Variants in FILIP1 observed in about 807,000 individuals in gnomAD.
FILIP1 encodes filamin A interacting protein 1.
FILIP1 carries 61 observed loss-of-function variants against 102.1 expected under a neutral mutation model. The ratio of observed to expected loss-of-function variants is 0.60; its 90% CI spans 0.49 to 0.74. The LOEUF (loss-of-function observed/expected upper bound fraction) is 0.74. Ranked by LOEUF, FILIP1 falls within the 30% of genes least tolerant of loss-of-function variation. FILIP1 has a pLI of 0.00. For synonymous variants in FILIP1, 491 were observed against 526.9 expected (o/e 0.93, Z 0.93); for missense variants, 1,314 against 1,441.2 (o/e 0.91, Z 1.43).
intron 3 of FILIP1, chr6:75,358,156 G>C (rs909422868): frequency 6.6e-6 from 1 of 152,210 alleles, no homozygotes; most frequent in African/African-American, 2.4e-5. Context: ...ACAATAACTT[G>C]AGGAGAAATT....
chr6:75,446,018 A>G (rs1778434487), intron 1 of FILIP1, among the ~76,000 whole-genome samples: 2 of 152,168 alleles, frequency 1.3e-5, no homozygotes, highest in Non-Finnish European at 2.9e-5. Flanking sequence ...GACTACTTTG[A>G]GAACTAATGT....
At chr6:75,461,958 GC>G (rs1779035953) in intron 1 of FILIP1, among the ~76,000 whole-genome samples, 2 of 152,106 alleles carry the variant, frequency 1.3e-5, no homozygotes, top group Admixed American at 6.5e-5. Flanking sequence ...GAAAAGTGAG[GC>G]ATGAAAAGCA....
At chr6:75,435,450 A>T (rs1777987211) in intron 1 of FILIP1, among the ~76,000 whole-genome samples, 4 of 152,254 alleles carry the variant, frequency 2.6e-5, no homozygotes, top group Admixed American at 2.6e-4. Context: ...CAATTAAATC[A>T]TGTTTGATTC....
At chr6:75,319,775 A>T in intron 4 of FILIP1, 1 of 324,488 alleles carries the variant, frequency 3.1e-6, no homozygotes, top group East Asian at 7.5e-5. Flanking sequence ...GCTTGCAGTG[A>T]GCTGAGATTG....
intron 1 of FILIP1, among the ~76,000 whole-genome samples, chr6:75,417,444 C>G (rs897256677): frequency 2.0e-5 from 3 of 152,164 alleles, no homozygotes; most frequent in Non-Finnish European, 2.9e-5. Flanking sequence ...AACATAATTT[C>G]TCAAAAGAAT....
chr6:75,344,081 A>C (rs966975069), intron 4 of FILIP1, among the ~76,000 whole-genome samples: 1 of 152,198 alleles, frequency 6.6e-6, no homozygotes. Context: ...ATCCCTTCAG[A>C]AGTAGGCATC....
intron 1 of FILIP1, among the ~76,000 whole-genome samples, chr6:75,487,207 T>C (rs1582577906): frequency 6.6e-6 from 1 of 152,208 alleles, no homozygotes; most frequent in Non-Finnish European, 1.5e-5. Context: ...ACCTCCAGTG[T>C]CACATTTCAA....
At chr6:75,450,239 A>G (rs1778581916) in intron 1 of FILIP1, among the ~76,000 whole-genome samples, 1 of 152,098 alleles carries the variant, frequency 6.6e-6, no homozygotes, top group South Asian at 2.1e-4. Flanking sequence ...TGGCCTCTCA[A>G]AGTGCTGGGA....
intron 1 of FILIP1, among the ~76,000 whole-genome samples, chr6:75,436,705 T>C (rs1778035173): frequency 6.6e-6 from 1 of 152,182 alleles, no homozygotes; most frequent in Admixed American, 6.5e-5. Context: ...GGGTTGCCAA[T>C]TTGTGCTGAC....
At chr6:75,486,181 C>T (rs116073394) in intron 1 of FILIP1, among the ~76,000 whole-genome samples, 1,707 of 152,262 alleles carry the variant, frequency 0.011, 33 homozygotes, top group African/African-American at 0.039. Flanking sequence ...TCTGAGTTGT[C>T]AATAGGAGCA....
chr6:75,486,379 C>T (rs1295805984), intron 1 of FILIP1, among the ~76,000 whole-genome samples: 2 of 152,174 alleles, frequency 1.3e-5, no homozygotes, highest in Non-Finnish European at 2.9e-5. Flanking sequence ...CCCAACTCTA[C>T]TGGCCATTGA....
At chr6:75,423,254 G>T (rs1385749012) in intron 1 of FILIP1, among the ~76,000 whole-genome samples, 1 of 152,144 alleles carries the variant, frequency 6.6e-6, no homozygotes, top group Non-Finnish European at 1.5e-5. Context: ...CTCCTGAGCT[G>T]AGCAAAAATT....
At chr6:75,486,063 G>T (rs1779780583) in intron 1 of FILIP1, among the ~76,000 whole-genome samples, 1 of 151,498 alleles carries the variant, frequency 6.6e-6, no homozygotes, top group South Asian at 2.1e-4. Context: ...CCAACAACGG[G>T]GATAAGTATT....
At chr6:75,355,681 G>T (rs1774970196) in intron 3 of FILIP1, among the ~76,000 whole-genome samples, 1 of 152,148 alleles carries the variant, frequency 6.6e-6, no homozygotes, top group Admixed American at 6.5e-5. Flanking sequence ...GGGATTACAG[G>T]CATGAGCCAC....
chr6:75,338,752 T>C (rs959148240), intron 4 of FILIP1, among the ~76,000 whole-genome samples: 3 of 152,236 alleles, frequency 2.0e-5, no homozygotes, highest in Non-Finnish European at 4.4e-5. Context: ...AGAAGAATAA[T>C]CTCACTTATC....
Position 75,313,250 on chromosome 6 carries a change from T to G in FILIP1, c.2582A>C (p.Asn861Thr). The G allele has an allele frequency of 6.2e-7, 1 of 1,614,184 alleles. No individual in the cohort carries two copies. The highest frequency in any genetic ancestry group is 8.5e-7 in the Non-Finnish European group (1 of 1,180,024). The change falls in exon 5 of 6, where the codon AAT becomes ACT. Residue 861 changes from asparagine (N) to threonine (T), a missense_variant. Physicochemically the swap from Asn to Thr is moderately conservative, Grantham distance 65. Around this residue, in one of 3 missense-constraint regions of FILIP1, gnomAD observed 816 missense variants for 913.1 expected, o/e 0.89. Transcript: ENST00000237172. The surrounding 1 kb of genome is among the most constrained non-coding windows in gnomAD (Gnocchi z 4.2). ...CCAAGACTTTCTCATAGTGAGCTCA[T>G]TTGCTGCTGGAGGATACCTGTCTAG... ...SVLDRYPPAA[N>T]ELTMRKSWIP...
chr6:75,394,230 C>G (rs1007441084), intron 2 of FILIP1, among the ~76,000 whole-genome samples: 1 of 151,914 alleles, frequency 6.6e-6, no homozygotes. Flanking sequence ...CTGACTAGAC[C>G]CTGACTCTTA....
At chr6:75,403,628 G>A (rs911291885) in intron 2 of FILIP1, among the ~76,000 whole-genome samples, 11 of 151,954 alleles carry the variant, frequency 7.2e-5, no homozygotes, top group South Asian at 6.2e-4. Flanking sequence ...CCCAATTTAC[G>A]TCTTGCAAGT....
At chr6:75,395,441 G>A (rs1028379382) in intron 2 of FILIP1, among the ~76,000 whole-genome samples, 11 of 151,964 alleles carry the variant, frequency 7.2e-5, no homozygotes, top group Admixed American at 2.6e-4. Context: ...AACCATGCCC[G>A]GCTAATTTTG....
Sources: gnomAD v4.1 joint callset for allele counts (sites outside exome capture counted in the v4.1 genomes callset) on GRCh38, gnomAD v4.1.1 for gene constraint, gnomAD v4.1.1 regional missense constraint, Gnocchi (gnomAD v3.1) non-coding constraint, MANE v1.5 for transcripts, NCBI Gene and HGNC (gene_info 2026-07-23, HGNC 2026-07-21) for gene names.